ADPRHL1: variants seen among roughly 807,000 people sequenced by gnomAD.
ADPRHL1 encodes ADP-ribosylhydrolase like 1.
Under a neutral mutation model 44.1 loss-of-function variants are expected in ADPRHL1, and 43 were observed. That is an observed-to-expected ratio of 0.98 (90% CI 0.76 to 1.26). ADPRHL1 has a LOEUF of 1.26. ADPRHL1 is among the 50% of genes most tolerant of loss of function. The pLI is 0.00. For missense variants in ADPRHL1, 2,022 were observed against 2,496.9 expected (o/e 0.81, Z 4.05); for synonymous variants, 878 against 1,017.4 (o/e 0.86, Z 2.61).
At chr13:113,411,638 G>C (rs151313466) in intron 7 of ADPRHL1, among the ~76,000 whole-genome samples, 2 of 152,224 alleles carry the variant, frequency 1.3e-5, no homozygotes, top group Non-Finnish European at 2.9e-5. Flanking sequence ...CAGAGATCAG[G>C]ATGCTCTTCT....
chr13:113,417,804 G>C (rs1595541245), intron 7 of ADPRHL1, among the ~76,000 whole-genome samples: 1 of 152,250 alleles, frequency 6.6e-6, no homozygotes. Flanking sequence ...TACACACGAG[G>C]GATTTTTACC....
At position 113,426,646 on chromosome 13, in the gene ADPRHL1, C is replaced by T. The variant is rs2043970766; in HGVS notation, c.647-1467G>A. ...TGGTTTCACACAAGGAAAAGTCCAG[C>T]CCCCTTAGGGTCTTGTTCAGCGACA... On this transcript the variant is annotated intron_variant, in intron 4 of 7. Coordinates refer to ENST00000612156, the MANE Select transcript of ADPRHL1 (RefSeq NM_001394807.1). Among the ~76,000 whole-genome samples, 4 of 152,206 alleles carry T rather than the reference C, an allele frequency of 2.6e-5. 1 individual carries two copies. The South Asian group carries it at 8.3e-4, about 32-fold the overall frequency.
At chr13:113,451,200 A>G (rs1016767404) in intron 1 of ADPRHL1, among the ~76,000 whole-genome samples, 4 of 152,204 alleles carry the variant, frequency 2.6e-5, no homozygotes, top group Non-Finnish European at 5.9e-5. Context: ...GGCTATGATT[A>G]TAGAGCGAGG....
intron 7 of ADPRHL1, chr13:113,422,572 G>A (rs2139616413): frequency 1.9e-6 from 1 of 525,154 alleles, no homozygotes; most frequent in Non-Finnish European, 3.4e-6. Flanking sequence ...CACGCATGGA[G>A]GTCCAAGTGC....
intron 7 of ADPRHL1, among the ~76,000 whole-genome samples, chr13:113,416,589 C>T (rs530145912): frequency 2.0e-5 from 3 of 152,180 alleles, no homozygotes; most frequent in Admixed American, 1.3e-4. Flanking sequence ...TACAGGGTAT[C>T]GGGTTAGTGA....
chr13:113,428,273 A>G (rs2043981365), intron 4 of ADPRHL1, among the ~76,000 whole-genome samples: 1 of 150,258 alleles, frequency 6.7e-6, no homozygotes, highest in African/African-American at 2.4e-5. Flanking sequence ...AGAAGACTTC[A>G]GCCTGAGGCT....
At chr13:113,443,492 A>T (rs372815782) in intron 2 of ADPRHL1, among the ~76,000 whole-genome samples, 2 of 149,350 alleles carry the variant, frequency 1.3e-5, no homozygotes, top group African/African-American at 4.9e-5. Context: ...AGTGGAATGG[A>T]CCTGTGATCC....
chr13:113,433,652 C>G, intron 3 of ADPRHL1, 90 bp downstream of exon 3: 1 of 1,448,048 alleles, frequency 6.9e-7, no homozygotes, highest in Non-Finnish European at 9.1e-7. Flanking sequence ...AGGCCCCCGC[C>G]CCCCACCCCA....
At chr13:113,444,748 G>C (rs952519968) in intron 1 of ADPRHL1, among the ~76,000 whole-genome samples, 159 bp from the exon 2 acceptor site, 1 of 152,136 alleles carries the variant, frequency 6.6e-6, no homozygotes, top group African/African-American at 2.4e-5. Context: ...TCAGCCTCCT[G>C]AGTAGCTGGG....
Position 113,403,086 on chromosome 13 carries a change from G to T in ADPRHL1, c.*292C>A. On this transcript the variant is annotated 3_prime_UTR_variant, in exon 8 of 8. Transcript: ENST00000612156. ...CCACGCTGCAGGCTGTGTGAGAGAG[G>T]GGTGAGCCGGCGCCCCCGAGTGAAG... The T allele has an allele frequency of 4.0e-6, 1 of 247,288 alleles. No homozygotes were observed. The highest frequency in any genetic ancestry group is 7.5e-6 in the Non-Finnish European group (1 of 132,678). The allele number at this position is 247,288 out of a possible 1,614,324, so 15.3% of individuals were successfully genotyped here. A position where few individuals can be genotyped will look rare whatever the true frequency, so the allele number is the denominator to read the frequency against.
chr13:113,413,691 C>T (rs920999870), intron 7 of ADPRHL1, among the ~76,000 whole-genome samples: 20 of 152,242 alleles, frequency 1.3e-4, no homozygotes, highest in African/African-American at 4.8e-4. Flanking sequence ...TGAAAAGGCC[C>T]CCGGTCAGAG....
chr13:113,444,704 A>G (rs558592581), intron 1 of ADPRHL1, 115 bp from the exon 2 acceptor site: 23 of 1,288,366 alleles, frequency 1.8e-5, no homozygotes, highest in Admixed American at 1.2e-4. Flanking sequence ...GACACTGCAA[A>G]CTCTGCCTCC....
At chr13:113,432,874 T>G (rs903091331) in intron 3 of ADPRHL1, among the ~76,000 whole-genome samples, 1 of 152,066 alleles carries the variant, frequency 6.6e-6, no homozygotes, top group African/African-American at 2.4e-5. Context: ...GGTCAGGAGT[T>G]TTGAGTCCTT....
intron 5 of ADPRHL1, 101 bp downstream of exon 5, chr13:113,424,951 C>T (rs549527557): frequency 1.4e-6 from 2 of 1,413,792 alleles, no homozygotes; most frequent in East Asian, 2.3e-5. Context: ...TCTATCCATC[C>T]ATCCATTCAC....
At position 113,433,729 on chromosome 13, in the gene ADPRHL1, CG is replaced by C. The variant is rs1566476829; in HGVS notation, c.505+12del. On this transcript the variant is annotated intron_variant, in intron 3 of 7. Transcript: ENST00000612156. ...CCACGCTGACCTCCCTCCCACCCCCCGCCCACACTTACCTGTGGGATGGTTG... is the reference window on the plus strand; with the variant it reads ...CCACGCTGACCTCCCTCCCACCCCCCCCCACACTTACCTGTGGGATGGTTG... The C allele has an allele frequency of 1.3e-6, 2 of 1,582,082 alleles. No individual in the cohort carries two copies. Among genetic ancestry groups the C allele is most frequent in the East Asian group, 2.3e-5 (1 of 43,312 alleles).
intron 1 of ADPRHL1, among the ~76,000 whole-genome samples, chr13:113,446,406 C>A (rs2139650948): frequency 6.6e-6 from 1 of 152,314 alleles, no homozygotes; most frequent in Non-Finnish European, 1.5e-5. Context: ...TGTCCTCCTA[C>A]CACCAGTTCC....
At chr13:113,450,198 G>C (rs943054688) in intron 1 of ADPRHL1, among the ~76,000 whole-genome samples, 1 of 152,288 alleles carries the variant, frequency 6.6e-6, no homozygotes, top group East Asian at 1.9e-4. Flanking sequence ...GATTGCAGAC[G>C]TGAGCCACTG....
Position 113,433,817 on chromosome 13 carries a change from A to G in ADPRHL1, c.430T>C (p.Trp144Arg), listed in dbSNP as rs1255770476. 1.3e-6 allele frequency: 2 copies of G among 1,581,516 alleles called. No individual in the cohort carries two copies. The highest frequency in any genetic ancestry group is 2.7e-5 in the African/African-American group (2 of 74,008). ...AGGGTCTCCAGCCGCTCAGGCTTCC[A>G]GTACCGCAGGCCGATGCACATGGCC... Reference protein sequence around the residue: ...TKAMCIGLRYWKPERLETLIE... With the variant: ...TKAMCIGLRYRKPERLETLIE... Residue 144 changes from tryptophan to arginine, a missense_variant, in exon 3 of 8, where the codon TGG (tryptophan) becomes CGG (arginine). By Grantham distance (101) the Trp-to-Arg change is moderately radical. This residue lies in a region of ADPRHL1 where 437 missense variants were observed against 430.7 expected (regional missense o/e 1.01). Transcript: ENST00000612156.
intron 7 of ADPRHL1, among the ~76,000 whole-genome samples, chr13:113,420,294 G>C (rs2043908767): frequency 6.6e-6 from 1 of 152,156 alleles, no homozygotes; most frequent in Non-Finnish European, 1.5e-5. Context: ...TGGATTTTGT[G>C]TTTGTGTGTT....
Sources: allele counts gnomAD v4.1 joint callset (sites outside exome capture counted in the v4.1 genomes callset), GRCh38; gene constraint gnomAD v4.1.1; regional missense constraint gnomAD v4.1.1; transcripts MANE v1.5; gene names NCBI Gene and HGNC (gene_info 2026-07-23, HGNC 2026-07-21).